ANKRD17: variants seen among roughly 807,000 people sequenced by gnomAD.
ANKRD17 encodes ankyrin repeat domain 17, also known as ankyrin repeat domain-containing protein 17.
In ANKRD17, 19 loss-of-function variants were observed where a neutral mutation model predicts 229.7. That is an observed-to-expected ratio of 0.08 (90% CI 0.06 to 0.12). The LOEUF is 0.12. ANKRD17 is among the 10% of genes least tolerant of loss of function. The pLI is 1.00. For missense variants in ANKRD17, 2,176 were observed against 3,176.8 expected (o/e 0.68, Z 7.57); for synonymous variants, 1,112 against 1,146.1 (o/e 0.97, Z 0.60).
intron 18 of ANKRD17, among the ~76,000 whole-genome samples, chr4:73,122,078 T>C (rs942533839): frequency 6.6e-6 from 1 of 152,178 alleles, no homozygotes; most frequent in African/African-American, 2.4e-5. Context: ...AATAGAGTAA[T>C]ATGGGACAAG....
chr4:73,138,456 A>C (rs952720037), intron 15 of ANKRD17, among the ~76,000 whole-genome samples: 1 of 152,120 alleles, frequency 6.6e-6, no homozygotes, highest in Admixed American at 6.5e-5. Context: ...AACGTTACCT[A>C]AATATCTAAA....
intron 30 of ANKRD17, among the ~76,000 whole-genome samples, chr4:73,082,964 T>C (rs1388309586): frequency 6.6e-6 from 1 of 152,202 alleles, no homozygotes; most frequent in East Asian, 1.9e-4. Context: ...AACATTCTTA[T>C]ATTTAGGAAA....
chr4:73,147,448 T>G lies in ANKRD17; in HGVS notation c.1568-16A>C, dbSNP rs1266214660. On this transcript the variant is annotated splice_polypyrimidine_tract_variant and intron_variant, in intron 8 of 33. Transcript: ENST00000358602. ...ATATTTGCTCCTAAAATAAAGATTC[T>G]AATTATTTAAAGAAAGTCATTAACT... 2.0e-6 allele frequency: 3 copies of G among 1,500,842 alleles called. No individual in the cohort carries two copies. The highest frequency in any genetic ancestry group is 1.4e-5 in the South Asian group (1 of 71,700). 93.0% of individuals were successfully genotyped at this position (1,500,842 alleles called of 1,614,324 possible).
intron 1 of ANKRD17, among the ~76,000 whole-genome samples, chr4:73,225,941 G>C (rs1438835003): frequency 6.9e-6 from 1 of 144,678 alleles, no homozygotes; most frequent in African/African-American, 2.5e-5. Flanking sequence ...CATACCTAGA[G>C]CCAGCACTCT....
chr4:73,205,311 A>G lies in ANKRD17; in HGVS notation c.394-27778T>C, dbSNP rs1335346536. Among the ~76,000 whole-genome samples the G allele has an allele frequency of 4.6e-5, 7 of 152,130 alleles. No individual in the cohort carries two copies. The East Asian group carries it at 1.3e-3, about 29-fold the overall frequency. On this transcript the variant is annotated intron_variant, in intron 1 of 33. Transcript: ENST00000358602. Reference sequence around the variant, plus strand: ...CCAGCCTGGGTGACAGAGTAAGACCATTTCTAAAAAAAATTTTTTAGCAAA... The same window carrying G: ...CCAGCCTGGGTGACAGAGTAAGACCGTTTCTAAAAAAAATTTTTTAGCAAA...
At chr4:73,105,381 TATATAA>T (rs542149172) in intron 24 of ANKRD17, among the ~76,000 whole-genome samples, 2 of 151,122 alleles carry the variant, frequency 1.3e-5, no homozygotes, top group African/African-American at 4.8e-5. Context: ...ATATTATACA[TATATAA>T]AGAGAGTTTA....
chr4:73,225,766 G>T (rs1742394469), intron 1 of ANKRD17, among the ~76,000 whole-genome samples: 1 of 146,362 alleles, frequency 6.8e-6, no homozygotes, highest in African/African-American at 2.5e-5. Flanking sequence ...GGAGGCTGAG[G>T]CAGGAGAATC....
At chr4:73,240,433 G>C (rs1743910514) in intron 1 of ANKRD17, among the ~76,000 whole-genome samples, 1 of 149,644 alleles carries the variant, frequency 6.7e-6, no homozygotes, top group Non-Finnish European at 1.5e-5. Flanking sequence ...AGAATAACTT[G>C]GGCAACACAG....
intron 2 of ANKRD17, among the ~76,000 whole-genome samples, chr4:73,167,170 AAG>A (rs1204488786): frequency 6.6e-6 from 1 of 152,184 alleles, no homozygotes; most frequent in African/African-American, 2.4e-5. Flanking sequence ...CTGTACACTG[AAG>A]GCTGCTGAAG....
chr4:73,221,858 A>G lies in ANKRD17; in HGVS notation c.393+36418T>C, dbSNP rs74912082. Among the ~76,000 whole-genome samples the G allele has an allele frequency of 6.1e-3, 932 of 152,292 alleles. 10 individuals carry two copies. The highest frequency in any genetic ancestry group is 0.019 in the African/African-American group (777 of 41,564). On this transcript the variant is annotated intron_variant, in intron 1 of 33. Coordinates refer to ENST00000358602, the MANE Select transcript of ANKRD17 (RefSeq NM_032217.5). ...GAATCAGTTTTCATTCTGCAGAACA[A>G]CCATGAGACTTGCTGCAATGTCAGC...
At chr4:73,103,156 G>GT (rs1362954179) in intron 24 of ANKRD17, among the ~76,000 whole-genome samples, 3 of 151,664 alleles carry the variant, frequency 2.0e-5, no homozygotes, top group South Asian at 2.1e-4. Flanking sequence ...GATAGGCACC[G>GT]TAAGTATTAT....
chr4:73,146,620 A>C (rs1427878908), intron 10 of ANKRD17, 144 bp downstream of exon 10: 1 of 600,192 alleles, frequency 1.7e-6, no homozygotes, highest in African/African-American at 1.9e-5. Context: ...AATGTGACTA[A>C]GTGAGAGAAA....
chr4:73,235,334 G>T (rs181065364), intron 1 of ANKRD17, among the ~76,000 whole-genome samples: 77 of 152,250 alleles, frequency 5.1e-4, no homozygotes, highest in African/African-American at 1.7e-3. Flanking sequence ...GACCAAAAAT[G>T]TTGAGACAGT....
chr4:73,078,576 A>G (rs1366354588), intron 31 of ANKRD17, 66 bp downstream of exon 31: 4 of 1,524,412 alleles, frequency 2.6e-6, no homozygotes, highest in Non-Finnish European at 3.5e-6. Context: ...ATTAAAGTTA[A>G]ATACTGTTTA....
intron 1 of ANKRD17, 145 bp downstream of exon 1, chr4:73,258,131 C>A: frequency 7.0e-7 from 1 of 1,433,420 alleles, no homozygotes; most frequent in Non-Finnish European, 9.4e-7. Flanking sequence ...ACGATTTAGG[C>A]CGAGGGAAGA....
At chr4:73,142,795 T>C in intron 11 of ANKRD17, 28 bp from the exon 12 acceptor site, 1 of 1,585,438 alleles carries the variant, frequency 6.3e-7, no homozygotes, top group Non-Finnish European at 8.6e-7. Flanking sequence ...TGGAAAATCA[T>C]ATTAGTAGAA....
Position 73,148,671 on chromosome 4 carries a change from C to T in ANKRD17, c.1567+142G>A, listed in dbSNP as rs529463279. ...TTTAACACAGTATGGGAGCCATTTT[C>T]ACAGTAAATACTTTATCACTGGTTT... On this transcript the variant is annotated intron_variant, in intron 8 of 33. Coordinates refer to ENST00000358602, the MANE Select transcript of ANKRD17 (RefSeq NM_032217.5). 2,657 of 753,720 alleles carry T rather than the reference C, an allele frequency of 3.5e-3. 11 individuals carry two copies. The highest frequency in any genetic ancestry group is 4.1e-3 in the Non-Finnish European group (1,917 of 469,580). 46.7% of individuals were successfully genotyped at this position (753,720 alleles called of 1,614,324 possible). A position where few individuals can be genotyped will look rare whatever the true frequency, so the allele number is the denominator to read the frequency against.
At chr4:73,217,297 T>C (rs893438446) in intron 1 of ANKRD17, among the ~76,000 whole-genome samples, 6 of 152,182 alleles carry the variant, frequency 3.9e-5, no homozygotes, top group African/African-American at 1.4e-4. Flanking sequence ...TCCACTAAAA[T>C]ATCATTCTTC....
rs754454919 is a variant in ANKRD17, at chr4:73,124,973, G to T, written c.3432C>A (p.Ala1144=). Residue 1144 remains alanine (A), a synonymous_variant, in exon 18 of 34, where the codon GCC becomes GCA. Coordinates refer to ENST00000358602, the MANE Select transcript of ANKRD17 (RefSeq NM_032217.5). ...ILLDNGADIE[A]QSERTKDTPL... Reference sequence around the variant, plus strand: ...GTGTGTCCTTGGTTCTTTCAGACTGGGCTTCAATGTCTGCACCATTGTCCA... The same window carrying T: ...GTGTGTCCTTGGTTCTTTCAGACTGTGCTTCAATGTCTGCACCATTGTCCA... 3.1e-6 allele frequency: 5 copies of T among 1,614,032 alleles called. No homozygotes were observed. The highest frequency in any genetic ancestry group is 1.7e-5 in the Admixed American group (1 of 60,010).
Sources: gnomAD v4.1 joint callset for allele counts (sites outside exome capture counted in the v4.1 genomes callset) on GRCh38, gnomAD v4.1.1 for gene constraint, MANE v1.5 for transcripts, NCBI Gene and HGNC (gene_info 2026-07-23, HGNC 2026-07-21) for gene names.